The following DNHD1 variants were observed in gnomAD, a reference collection of about 807,000 sequenced individuals.
The protein encoded by DNHD1 is dynein heavy chain domain 1, also known as dynein heavy chain domain-containing protein 1.
In DNHD1, 383 loss-of-function variants were observed where a neutral mutation model predicts 458.1. The ratio of observed to expected loss-of-function variants is 0.84; its 90% CI spans 0.77 to 0.91. The LOEUF (loss-of-function observed/expected upper bound fraction) is 0.91, where lower values mean the gene tolerates loss of function less well. DNHD1 is among the 40% of genes least tolerant of loss of function. The pLI is 0.00. For synonymous variants in DNHD1, 2,203 were observed against 2,376.9 expected (o/e 0.93, Z 2.13); for missense variants, 5,336 against 5,866.1 (o/e 0.91, Z 2.95).
At position 6,563,896 on chromosome 11, in the gene DNHD1, A is replaced by G. The variant is rs1325470373; in HGVS notation, c.10056A>G (p.Gln3352=). 1.9e-6 allele frequency: 3 copies of G among 1,551,712 alleles called. No individual in the cohort carries two copies. In the African/African-American group the frequency reaches 4.1e-5, roughly 21 times the overall value. The part of the protein sequence containing the change: ...RGLPTDLLLQ[Q]VEATLTREQA... The stretch of plus-strand genomic sequence containing the variant: ...TGCCCACGGACCTGCTGCTGCAGCA[A>G]GTGGAGGCAACACTCACTCGGGAGC... Residue 3352 remains glutamine, a synonymous_variant, in exon 31 of 43, where the codon CAA becomes CAG. Transcript: ENST00000254579.
rs568249506 is a variant in DNHD1, at chr11:6,505,305, G to A, written c.920+2379G>A. Among the ~76,000 whole-genome samples the A allele has an allele frequency of 1.2e-4, 18 of 151,904 alleles. No homozygotes were observed. Among genetic ancestry groups the A allele is most frequent in the South Asian group, 8.3e-4 (4 of 4,816 alleles). On this transcript the variant is annotated intron_variant, in intron 4 of 42. Transcript: ENST00000254579. This position sits in a 1 kb window ranked among gnomAD's most constrained non-coding sequence, Gnocchi z 4.4. ...TCTGTTGCCTAGGCTGGAGTGCCAT[G>A]GCGATCTTGGCTCACTTTAATCTCC...
chr11:6,539,233 A>AGTC lies in DNHD1; in HGVS notation c.3341_3343dup (p.Ser1114_Leu1115insArg). ...TCTACCTCCAGCCCTTGGGCTGGGCAGTCTCCAAACTATAGAACTCCTAAC... is the reference window on the plus strand; with the variant it reads ...TCTACCTCCAGCCCTTGGGCTGGGCAGTCGTCTCCAAACTATAGAACTCCTAAC... On this transcript the variant is annotated inframe_insertion, in exon 17 of 43. Coordinates refer to ENST00000254579, the MANE Select transcript of DNHD1 (RefSeq NM_144666.3). 1 of 1,551,374 alleles carries AGTC rather than the reference A, an allele frequency of 6.4e-7. No individual in the cohort carries two copies. Among genetic ancestry groups the AGTC allele is most frequent in the Non-Finnish European group, 8.7e-7 (1 of 1,146,726 alleles).
At position 6,506,040 on chromosome 11, in the gene DNHD1, A is replaced by G. The variant is rs183127323; in HGVS notation, c.921-2840A>G. 4.4e-4 allele frequency among the ~76,000 whole-genome samples: 67 copies of G among 152,328 alleles called. 1 individual carries two copies. The highest frequency in any genetic ancestry group is 3.4e-3 in the Middle Eastern group (1 of 294). ...CACATAAAGAGATAAGAAACTATTG[A>G]CAAGAGAACTAAAAAGGCAATGGAT... On this transcript the variant is annotated intron_variant, in intron 4 of 42. Coordinates refer to ENST00000254579, the MANE Select transcript of DNHD1 (RefSeq NM_144666.3).
At chr11:6,553,579 T>A (rs920723442) in intron 24 of DNHD1, among the ~76,000 whole-genome samples, 1 of 152,206 alleles carries the variant, frequency 6.6e-6, no homozygotes, top group East Asian at 1.9e-4. Flanking sequence ...ATTGTCTACA[T>A]AGAGACCCCA....
rs1181320638 is a variant in DNHD1, at chr11:6,566,574, A to G, written c.11207-13A>G. The stretch of plus-strand genomic sequence containing the variant: ...AAGGGGAAGAGGTTAAGCATCTCCC[A>G]TGTTACCCCAAGTGCTAGGTTGTGA... On this transcript the variant is annotated splice_polypyrimidine_tract_variant and intron_variant, in intron 34 of 42. Coordinates refer to ENST00000254579, the MANE Select transcript of DNHD1 (RefSeq NM_144666.3). 2 of 1,613,228 alleles carry G rather than the reference A, an allele frequency of 1.2e-6. No individual in the cohort carries two copies. Among genetic ancestry groups the G allele is most frequent in the Non-Finnish European group, 1.7e-6 (2 of 1,179,628 alleles).
In DNHD1 at chr11:6,562,044, G is replaced by A. The variant is rs189776406; in HGVS notation, c.9520-938G>A. On this transcript the variant is annotated intron_variant, in intron 28 of 42. Coordinates refer to ENST00000254579, the MANE Select transcript of DNHD1 (RefSeq NM_144666.3). The stretch of plus-strand genomic sequence containing the variant: ...GGAATAAAAGGAGGGAAGTAAGAGT[G>A]GAAACTGAGAGACCAGTTAGGAGGC... Among the ~76,000 whole-genome samples, 7 of 152,284 alleles carry A rather than the reference G, an allele frequency of 4.6e-5. No individual in the cohort carries two copies. The East Asian group carries it at 1.2e-3, about 25-fold the overall frequency.
Position 6,569,993 on chromosome 11 carries a change from C to T in DNHD1, c.12864-16C>T, listed in dbSNP as rs115958316. The T allele has an allele frequency of 8.1e-4, 1,303 of 1,610,402 alleles. 10 individuals are homozygous for T. In the African/African-American group the frequency reaches 0.014, roughly 18 times the overall value. ...AGATGATATGTGAAACCCTGCTTTC[C>T]GCTCCCCTTCTCTAGGAGTCAAGTG... On this transcript the variant is annotated splice_polypyrimidine_tract_variant and intron_variant, in intron 39 of 42. Transcript: ENST00000254579.
At chr11:6,535,247 G>A (rs191847116) in intron 14 of DNHD1, among the ~76,000 whole-genome samples, 2 of 152,194 alleles carry the variant, frequency 1.3e-5, no homozygotes, top group Admixed American at 6.5e-5. Flanking sequence ...TTTTGCATGT[G>A]TATGCATGCT....
At chr11:6,512,441 CT>C (rs1247236778) in intron 7 of DNHD1, among the ~76,000 whole-genome samples, 1 of 151,722 alleles carries the variant, frequency 6.6e-6, no homozygotes, top group Non-Finnish European at 1.5e-5. Flanking sequence ...CCAGGATGGT[CT>C]TGATCTCCTG....
intron 24 of DNHD1, chr11:6,549,183 G>C (rs534339328): frequency 1.8e-6 from 1 of 548,386 alleles, no homozygotes; most frequent in East Asian, 3.2e-5. Context: ...CTATCCAGCT[G>C]TCTACTGTAC....
chr11:6,503,273 A>T (rs142181265), intron 4 of DNHD1: 1 of 191,018 alleles, frequency 5.2e-6, no homozygotes, highest in Non-Finnish European at 1.1e-5. Context: ...TGGAAGAAAC[A>T]TGTGTTTGTT....
In DNHD1 at chr11:6,548,856, G is replaced by A. The variant is rs1259530018; in HGVS notation, c.7310G>A (p.Ser2437Asn). ...SRGIQGQTQA[S>N]PQPGHHQDSK... ...GGAATCCAGGGCCAAACACAAGCCA[G>A]CCCACAGCCTGGGCATCACCAGGAT... The change falls in exon 24 of 43, where the codon AGC becomes AAC. Residue 2437 changes from serine (S) to asparagine (N), a missense_variant. Coordinates refer to ENST00000254579, the MANE Select transcript of DNHD1 (RefSeq NM_144666.3). This position sits in a 1 kb window ranked among gnomAD's most constrained non-coding sequence, Gnocchi z 4.4. The A allele has an allele frequency of 6.4e-7, 1 of 1,551,598 alleles. No homozygotes were observed. The highest frequency in any genetic ancestry group is 1.4e-5 in the African/African-American group (1 of 73,056).
intron 14 of DNHD1, among the ~76,000 whole-genome samples, chr11:6,534,935 T>A (rs1293986242): frequency 6.6e-6 from 1 of 152,140 alleles, no homozygotes; most frequent in Non-Finnish European, 1.5e-5. Context: ...TTTGTAGAGA[T>A]GAGGACTCAC....
Position 6,548,351 on chromosome 11 carries a change from C to T in DNHD1, c.7047C>T (p.Tyr2349=), listed in dbSNP as rs539898987. ...CACTGGTCCCCTTCACTGGCCAATA[C>T]CTGAGCAGCCACATCAAAGGAACTT... ...DGTLVPFTGQ[Y]LSSHIKGTLG... Residue 2349 remains tyrosine (Y), a synonymous_variant, in exon 23 of 43, where the codon TAC becomes TAT. Coordinates refer to ENST00000254579, the MANE Select transcript of DNHD1 (RefSeq NM_144666.3). This position sits in a 1 kb window ranked among gnomAD's most constrained non-coding sequence, Gnocchi z 4.4. 22 of 1,551,698 alleles carry T rather than the reference C, an allele frequency of 1.4e-5. No homozygotes were observed. The African/African-American group carries it at 2.2e-4, about 15-fold the overall frequency.
Position 6,546,909 on chromosome 11 carries a change from C to T in DNHD1, c.5970C>T (p.Leu1990=). 6.4e-7 allele frequency: 1 copy of T among 1,551,632 alleles called. No individual in the cohort carries two copies. Among genetic ancestry groups the T allele is most frequent in the Non-Finnish European group, 8.7e-7 (1 of 1,146,946 alleles). Residue 1990 remains leucine (L), a synonymous_variant, in exon 21 of 43, where the codon CTC becomes CTT. Coordinates refer to ENST00000254579, the MANE Select transcript of DNHD1 (RefSeq NM_144666.3). ...QALSRASGIL[L]LGPAGSGKTT... is the part of the protein sequence containing the mutation. ...TGAGCCGGGCCTCAGGCATTCTGCT[C>T]CTGGGCCCTGCGGGCAGCGGCAAGA...
At position 6,559,115 on chromosome 11, in the gene DNHD1, C is replaced by T; in HGVS notation, c.9416+9C>T. ...AAGAACAAGGCCCAGCGGTGAGTGT[C>T]CCGTCCCCTGCAGTGTACCTCCTTC... On this transcript the variant is annotated intron_variant, in intron 27 of 42. Coordinates refer to ENST00000254579, the MANE Select transcript of DNHD1 (RefSeq NM_144666.3). The T allele has an allele frequency of 2.6e-6, 4 of 1,551,596 alleles. No homozygotes were observed. In the South Asian group the frequency reaches 3.6e-5, roughly 14 times the overall value.
Position 6,498,608 on chromosome 11 carries a change from C to A in DNHD1, c.393C>A (p.Val131=), listed in dbSNP as rs752258719. 1.9e-6 allele frequency: 3 copies of A among 1,614,226 alleles called. No homozygotes were observed. In the Admixed American group the frequency reaches 5.0e-5, roughly 27 times the overall value. The part of the protein sequence containing the change: ...HLHLDLLGAI[V]QAFPPDSSLL... ...ATCTGGACCTGCTAGGTGCCATTGT[C>A]CAGGCCTTTCCTCCAGACAGCTCTT... Residue 131 remains valine (V), a synonymous_variant, in exon 3 of 43, where the codon GTC becomes GTA. Coordinates refer to ENST00000254579, the MANE Select transcript of DNHD1 (RefSeq NM_144666.3).
At position 6,567,871 on chromosome 11, in the gene DNHD1, A is replaced by T; in HGVS notation, c.12351+11A>T. 6.2e-7 allele frequency: 1 copy of T among 1,603,760 alleles called. No homozygotes were observed. The highest frequency in any genetic ancestry group is 1.1e-5 in the South Asian group (1 of 89,948). On this transcript the variant is annotated intron_variant, in intron 36 of 42. Coordinates refer to ENST00000254579, the MANE Select transcript of DNHD1 (RefSeq NM_144666.3). Reference sequence around the variant, plus strand: ...GCCAAGTATCAGCAGGTTTGAACCTAGTTTCTTGGCCACAGAGTGACCAGG... The same window carrying T: ...GCCAAGTATCAGCAGGTTTGAACCTTGTTTCTTGGCCACAGAGTGACCAGG...
intron 31 of DNHD1, 87 bp from the exon 32 acceptor site, chr11:6,564,246 C>T (rs1282236788): frequency 4.1e-6 from 6 of 1,451,774 alleles, no homozygotes; most frequent in Non-Finnish European, 5.6e-6. Flanking sequence ...CTTTCCTCCA[C>T]ACCCCACCTT....
Sources: allele counts gnomAD v4.1 joint callset (sites outside exome capture counted in the v4.1 genomes callset), GRCh38; gene constraint gnomAD v4.1.1; non-coding constraint Gnocchi (gnomAD v3.1); transcripts MANE v1.5; gene names NCBI Gene and HGNC (gene_info 2026-07-23, HGNC 2026-07-21).